Variants in RPAP2 observed in about 807,000 individuals in gnomAD.
RPAP2 encodes the protein putative RNA polymerase II subunit B1 CTD phosphatase RPAP2.
RPAP2 carries 52 observed loss-of-function variants against 73.1 expected under a neutral mutation model. The observed-to-expected ratio is 0.71, with a 90% CI of 0.57 to 0.90. The LOEUF (loss-of-function observed/expected upper bound fraction) is 0.90, where lower values mean the gene tolerates loss of function less well. Ranked by LOEUF, RPAP2 falls within the 40% of genes least tolerant of loss-of-function variation. The pLI is 0.00. For missense variants in RPAP2, 598 were observed against 701.8 expected, an observed-to-expected ratio of 0.85 and a Z score of 1.67; for synonymous variants, 225 against 242.1, an observed-to-expected ratio of 0.93 and a Z score of 0.65.
At position 92,330,783 on chromosome 1, in the gene RPAP2, T is replaced by G. The variant is rs972343812; in HGVS notation, c.1456-2608T>G. 2.6e-5 allele frequency among the ~76,000 whole-genome samples: 4 copies of G among 152,142 alleles called. No homozygotes were observed. The East Asian group carries it at 7.7e-4, about 29-fold the overall frequency. ...TAGTCAATTTTTAAAAACTTTTTGT[T>G]ATGGAAATTTTCAGAAACACACAAA... On this transcript the variant is annotated intron_variant, in intron 8 of 12. Transcript: ENST00000610020.
intron 11 of RPAP2, among the ~76,000 whole-genome samples, chr1:92,361,498 GAAAAAACAAA>G (rs1416843249): frequency 6.6e-6 from 1 of 151,922 alleles, no homozygotes; most frequent in Non-Finnish European, 1.5e-5. Flanking sequence ...CATTGCACGT[GAAAAAACAAA>G]AATAGTTGCT....
intron 11 of RPAP2, among the ~76,000 whole-genome samples, chr1:92,373,804 C>T (rs1193663987): frequency 6.9e-6 from 1 of 143,896 alleles, no homozygotes; most frequent in African/African-American, 2.6e-5. Context: ...ACCTGTAATC[C>T]CAGCTACTCG....
At position 92,312,849 on chromosome 1, in the gene RPAP2, T is replaced by C. The variant is rs181455440; in HGVS notation, c.488+5573T>C. ...CCTTTTTTCTTTTTTTCAGACAGAG[T>C]CTCACTCTGTCACCCAGGCTGGAGT... is the stretch of plus-strand genomic sequence containing the variant. On this transcript the variant is annotated intron_variant, in intron 6 of 12. Coordinates refer to ENST00000610020, the MANE Select transcript of RPAP2 (RefSeq NM_024813.3). 3.5e-3 allele frequency among the ~76,000 whole-genome samples: 524 copies of C among 150,948 alleles called. 4 individuals carry two copies. Among genetic ancestry groups the C allele is most frequent in the Non-Finnish European group, 5.8e-3 (393 of 67,782 alleles).
chr1:92,384,351 C>T (rs1040594069), intron 12 of RPAP2, among the ~76,000 whole-genome samples: 1 of 151,764 alleles, frequency 6.6e-6, no homozygotes, highest in African/African-American at 2.4e-5. Flanking sequence ...ACCGGGTGCG[C>T]AGTGGCTAAT....
intron 11 of RPAP2, among the ~76,000 whole-genome samples, chr1:92,352,471 CA>C (rs1232994744): frequency 2.0e-5 from 3 of 152,062 alleles, no homozygotes; most frequent in African/African-American, 7.2e-5. Context: ...GCCTGCCTAT[CA>C]CTAATTTCCT....
intron 11 of RPAP2, among the ~76,000 whole-genome samples, chr1:92,349,891 C>A (rs1321216298): frequency 6.6e-6 from 1 of 152,196 alleles, no homozygotes; most frequent in Non-Finnish European, 1.5e-5. Flanking sequence ...CATGCCACTG[C>A]ACTCAAGCCT....
chr1:92,330,413 CCT>C (rs1652890214), intron 8 of RPAP2, among the ~76,000 whole-genome samples: 1 of 142,550 alleles, frequency 7.0e-6, no homozygotes, highest in South Asian at 2.3e-4. Flanking sequence ...ACTATCTTTT[CCT>C]CTGATTTTCT....
At chr1:92,354,463 T>G (rs12735898) in intron 11 of RPAP2, among the ~76,000 whole-genome samples, 42,562 of 152,124 alleles carry the variant, frequency 0.28, 6,882 homozygotes, top group Non-Finnish European at 0.35. Flanking sequence ...AAAGTCACTG[T>G]AACCCAGCCC....
intron 11 of RPAP2, among the ~76,000 whole-genome samples, chr1:92,348,813 A>G (rs924779033): frequency 6.6e-6 from 1 of 152,190 alleles, no homozygotes; most frequent in African/African-American, 2.4e-5. Context: ...TTTAATGTGT[A>G]TTTCCACCCC....
chr1:92,301,577 T>C lies in RPAP2; in HGVS notation c.221T>C (p.Phe74Ser). ...QLLEENITEEFLMECGRFITP... is the reference protein window; with the variant it reads ...QLLEENITEESLMECGRFITP... ...TTAGAGGAGAATATTACAGAAGAGT[T>C]CCTAATGGAGTGTGTATGTGTTAAG... Residue 74 changes from phenylalanine (F) to serine (S), a missense_variant, in exon 3 of 13, where the codon TTC becomes TCC. This residue lies in a region of RPAP2 where 506 missense variants were observed against 612.8 expected (regional missense o/e 0.83). Coordinates refer to ENST00000610020, the MANE Select transcript of RPAP2 (RefSeq NM_024813.3). 1 of 1,464,236 alleles carries C rather than the reference T, an allele frequency of 6.8e-7. No individual in the cohort carries two copies. The highest frequency in any genetic ancestry group is 9.4e-7 in the Non-Finnish European group (1 of 1,068,922). The allele number at this position is 1,464,236 out of a possible 1,614,324, so 90.7% of individuals were successfully genotyped here.
Position 92,300,045 on chromosome 1 carries a change from G to C in RPAP2, c.74-149G>C, listed in dbSNP as rs1282549526. The C allele has an allele frequency of 4.0e-5, 24 of 595,474 alleles. No homozygotes were observed. The East Asian group carries it at 6.6e-4, about 16-fold the overall frequency. The allele number at this position is 595,474 out of a possible 1,614,324, so 36.9% of individuals were successfully genotyped here. ...CTACAAACCTGCACAGCATGTTACT[G>C]TACTAAGTACTGTAGGCAACTGTAT... is the stretch of plus-strand genomic sequence containing the variant. On this transcript the variant is annotated intron_variant, in intron 1 of 12. Transcript: ENST00000610020.
chr1:92,374,495 C>T (rs1655304723), intron 11 of RPAP2, among the ~76,000 whole-genome samples: 1 of 152,166 alleles, frequency 6.6e-6, no homozygotes, highest in Non-Finnish European at 1.5e-5. Context: ...TATCTCCAAG[C>T]TCAGTGCTTG....
chr1:92,329,097 G>A (rs1652811448), intron 8 of RPAP2, among the ~76,000 whole-genome samples: 1 of 152,206 alleles, frequency 6.6e-6, no homozygotes. Flanking sequence ...AAGTGCGCTG[G>A]TTTTGTGTTG....
At chr1:92,310,789 T>C (rs1206735740) in intron 6 of RPAP2, among the ~76,000 whole-genome samples, 1 of 151,922 alleles carries the variant, frequency 6.6e-6, no homozygotes, top group Admixed American at 6.6e-5. Flanking sequence ...CCCAGCTACT[T>C]GGGAGGCTGA....
intron 8 of RPAP2, among the ~76,000 whole-genome samples, chr1:92,327,818 C>A (rs552652463): frequency 6.6e-6 from 1 of 151,666 alleles, no homozygotes; most frequent in Non-Finnish European, 1.5e-5. Flanking sequence ...CAAGATTTAT[C>A]GCTCCTTTAG....
intron 11 of RPAP2, among the ~76,000 whole-genome samples, chr1:92,370,858 A>T (rs2101419406): frequency 6.6e-6 from 1 of 152,338 alleles, no homozygotes; most frequent in South Asian, 2.1e-4. Flanking sequence ...AATATACCCC[A>T]TGCAAGAATA....
At chr1:92,349,971 T>G (rs1391362019) in intron 11 of RPAP2, among the ~76,000 whole-genome samples, 1 of 152,182 alleles carries the variant, frequency 6.6e-6, no homozygotes, top group Non-Finnish European at 1.5e-5. Context: ...TTTATCAATG[T>G]ATACTGATGG....
chr1:92,382,700 T>G (rs1209250203), intron 12 of RPAP2, among the ~76,000 whole-genome samples: 4 of 152,198 alleles, frequency 2.6e-5, no homozygotes, highest in South Asian at 2.1e-4. Context: ...TTGCAAAAAT[T>G]TTCTCCCATT....
chr1:92,361,905 C>T lies in RPAP2; in HGVS notation c.1688+15991C>T, dbSNP rs376375942. Reference sequence around the variant, plus strand: ...GTTATAGAGCAGTTAATCACCAGGTCGATAGAGGTGGCACTAAGTCTTTTA... The same window carrying T: ...GTTATAGAGCAGTTAATCACCAGGTTGATAGAGGTGGCACTAAGTCTTTTA... On this transcript the variant is annotated intron_variant, in intron 11 of 12. Coordinates refer to ENST00000610020, the MANE Select transcript of RPAP2 (RefSeq NM_024813.3). Among the ~76,000 whole-genome samples the T allele has an allele frequency of 2.5e-4, 38 of 152,180 alleles. No individual in the cohort carries two copies. The East Asian group carries it at 6.2e-3, about 25-fold the overall frequency.
Sources: allele counts gnomAD v4.1 joint callset (sites outside exome capture counted in the v4.1 genomes callset), GRCh38; gene constraint gnomAD v4.1.1; regional missense constraint gnomAD v4.1.1; transcripts MANE v1.5; gene names NCBI Gene and HGNC (gene_info 2026-07-23, HGNC 2026-07-21).